CFAP99: variants seen among roughly 807,000 people sequenced by gnomAD.
The protein encoded by CFAP99 is cilia and flagella associated protein 99.
Under a neutral mutation model 82.7 loss-of-function variants are expected in CFAP99, and 84 were observed. The observed-to-expected ratio is 1.02, with a 90% CI of 0.85 to 1.22. The LOEUF (loss-of-function observed/expected upper bound fraction) is 1.22, where lower values mean the gene tolerates loss of function less well. CFAP99 is among the 50% of genes most tolerant of loss of function. The pLI is 0.00. For synonymous variants in CFAP99, 456 were observed against 429.5 expected (o/e 1.06, Z -0.76); for missense variants, 1,059 against 983.5 (o/e 1.08, Z -1.03).
chr4:2,459,386 C>T (rs554677844), intron 13 of CFAP99, 128 bp downstream of exon 13: 79 of 1,157,094 alleles, frequency 6.8e-5, no homozygotes, highest in Non-Finnish European at 7.1e-5. Flanking sequence ...CCTGGCCCGC[C>T]ACCCTCCGTG....
At chr4:2,429,951 TC>T (rs71644335) in intron 2 of CFAP99, among the ~76,000 whole-genome samples, 19,054 of 152,260 alleles carry the variant, frequency 0.13, 1,268 homozygotes, top group Non-Finnish European at 0.15. Context: ...TGGATCCTGA[TC>T]CAGTTTGGAC....
chr4:2,459,128 G>T, exon 13 of CFAP99: 1 of 1,530,844 alleles, frequency 6.5e-7, no homozygotes, highest in Non-Finnish European at 8.7e-7. Context: ...ATCGAGGAGA[G>T]CAGGGGGCTG....
intron 7 of CFAP99, 23 bp from the exon 8 acceptor site, chr4:2,449,911 G>T (rs562568607): frequency 6.5e-7 from 1 of 1,536,046 alleles, no homozygotes; most frequent in African/African-American, 1.4e-5. Flanking sequence ...GGTGGGACTG[G>T]AGCCGCTGTG....
intron 4 of CFAP99, among the ~76,000 whole-genome samples, chr4:2,439,005 G>A (rs2108721527): frequency 6.6e-6 from 1 of 152,298 alleles, no homozygotes; most frequent in East Asian, 1.9e-4. Flanking sequence ...GCCTGCAGGA[G>A]CCCACGCCCC....
chr4:2,440,148 T>C (rs1402593158), intron 4 of CFAP99, among the ~76,000 whole-genome samples: 1 of 110,838 alleles, frequency 9.0e-6, no homozygotes, highest in African/African-American at 4.3e-5. Context: ...AGCTTGACAT[T>C]CTTTTTTTTT....
chr4:2,431,502 C>T (rs896596692), intron 2 of CFAP99, among the ~76,000 whole-genome samples: 32 of 152,164 alleles, frequency 2.1e-4, no homozygotes, highest in Non-Finnish European at 3.8e-4. Context: ...ACTGACTGAC[C>T]ACCTGTCCCT....
At chr4:2,440,438 G>A (rs184155293) in intron 4 of CFAP99, among the ~76,000 whole-genome samples, 2,534 of 150,340 alleles carry the variant, frequency 0.017, 58 homozygotes, top group African/African-American at 0.056. Flanking sequence ...GAGCCACCGC[G>A]CCCGGCCGAC....
intron 8 of CFAP99, 140 bp from the exon 9 acceptor site, chr4:2,450,807 G>T: frequency 1.5e-6 from 1 of 678,212 alleles, no homozygotes; most frequent in East Asian, 2.7e-5. Flanking sequence ...CGTGGTGGTA[G>T]GGATGGGCAG....
chr4:2,447,610 T>C (rs750835489), intron 6 of CFAP99, among the ~76,000 whole-genome samples: 7 of 150,188 alleles, frequency 4.7e-5, no homozygotes, highest in Admixed American at 2.6e-4. Context: ...CATGGGTGAG[T>C]AGATGAATGA....
chr4:2,436,116 G>C (rs28408913), intron 2 of CFAP99, among the ~76,000 whole-genome samples: 1 of 149,474 alleles, frequency 6.7e-6, no homozygotes, highest in Non-Finnish European at 1.5e-5. Flanking sequence ...TGTATATATA[G>C]ATATATATAG....
At chr4:2,429,429 T>G (rs1473198844) in intron 2 of CFAP99, among the ~76,000 whole-genome samples, 1 of 152,178 alleles carries the variant, frequency 6.6e-6, no homozygotes, top group Non-Finnish European at 1.5e-5. Context: ...CAGGTGTGCA[T>G]TTCCACGGGG....
chr4:2,461,665 C>T (rs1391000652), intron 14 of CFAP99, among the ~76,000 whole-genome samples: 1 of 152,154 alleles, frequency 6.6e-6, no homozygotes, highest in South Asian at 2.1e-4. Context: ...CTCAGGCATG[C>T]ACTTAGGCCC....
At chr4:2,426,242 G>A (rs1240919897) in intron 1 of CFAP99, among the ~76,000 whole-genome samples, 1 of 152,080 alleles carries the variant, frequency 6.6e-6, no homozygotes, top group African/African-American at 2.4e-5. Context: ...GCAGGAGACA[G>A]TGCAGGACAT....
Position 2,462,475 on chromosome 4 carries a change from C to T in CFAP99, c.1694C>T (p.Pro565Leu), listed in dbSNP as rs1490640061. The change falls in exon 15 of 15, where the codon CCG becomes CTG. Residue 565 changes from proline (P) to leucine (L), a missense_variant. Transcript: ENST00000635017. The surrounding 1 kb of genome is among the most constrained non-coding windows in gnomAD (Gnocchi z 4.1). ...GAAAAGAAGGCCCTTGCGGCGGCCC[C>T]GGCGGCGCCCTCGCAGGACGAGCGC... The T allele has an allele frequency of 2.7e-6, 4 of 1,470,228 alleles. No individual in the cohort carries two copies. Among genetic ancestry groups the T allele is most frequent in the Non-Finnish European group, 2.7e-6 (3 of 1,120,766 alleles). 91.1% of individuals were successfully genotyped at this position (1,470,228 alleles called of 1,614,324 possible).
In CFAP99 at chr4:2,451,092, G is replaced by A. The variant is rs958760187; in HGVS notation, c.867+74G>A. 4.2e-5 allele frequency: 62 copies of A among 1,487,488 alleles called. No homozygotes were observed. The Middle Eastern group carries it at 1.7e-3, about 41-fold the overall frequency. The allele number at this position is 1,487,488 out of a possible 1,614,324, so 92.1% of individuals were successfully genotyped here. A position where few individuals can be genotyped will look rare whatever the true frequency, so the allele number is the denominator to read the frequency against. ...CCTCCAGACCTTTTCTGCCCGTAGA[G>A]GCTCAGATGACCTGAGCTGGGGGAC... On this transcript the variant is annotated intron_variant, in intron 9 of 14. Transcript: ENST00000635017.
At chr4:2,435,958 G>A (rs1733898651) in intron 2 of CFAP99, among the ~76,000 whole-genome samples, 1 of 151,996 alleles carries the variant, frequency 6.6e-6, no homozygotes, top group African/African-American at 2.4e-5. Flanking sequence ...CAGCTACTCA[G>A]GAGGCCGAGG....
chr4:2,439,875 G>A (rs1011155116), intron 4 of CFAP99, among the ~76,000 whole-genome samples: 3 of 151,394 alleles, frequency 2.0e-5, no homozygotes, highest in South Asian at 4.2e-4. Flanking sequence ...ACGGGGTCTC[G>A]CTCTGTCGCC....
chr4:2,426,101 G>A (rs561513929), intron 1 of CFAP99, among the ~76,000 whole-genome samples: 10 of 152,330 alleles, frequency 6.6e-5, no homozygotes, highest in African/African-American at 2.2e-4. Flanking sequence ...GCCCCTTGCA[G>A]GGGTCACCCC....
chr4:2,459,309 C>T (rs1442820654), intron 13 of CFAP99, 51 bp downstream of exon 13: 11 of 1,474,166 alleles, frequency 7.5e-6, no homozygotes, highest in East Asian at 2.5e-5. Context: ...TCCACGCTGG[C>T]ACTGCCATGA....
Sources: allele counts gnomAD v4.1 joint callset (sites outside exome capture counted in the v4.1 genomes callset), GRCh38; gene constraint gnomAD v4.1.1; non-coding constraint Gnocchi (gnomAD v3.1); transcripts MANE v1.5; gene names NCBI Gene and HGNC (gene_info 2026-07-23, HGNC 2026-07-21).